SBF2: variants seen among roughly 807,000 people sequenced by gnomAD.
SBF2 encodes myotubularin-related protein 13.
A neutral mutation model predicts 225.2 loss-of-function variants in SBF2; 112 were observed. The observed-to-expected ratio is 0.50, with a 90% CI of 0.43 to 0.58. SBF2 has a LOEUF of 0.58. Among genes scored for constraint, SBF2 ranks in the 20% least tolerant of loss-of-function variants. SBF2 has a pLI of 0.00. For synonymous variants in SBF2, 763 were observed against 773.3 expected, an observed-to-expected ratio of 0.99 and a Z score of 0.22; for missense variants, 1,996 against 2,206.2, an observed-to-expected ratio of 0.90 and a Z score of 1.91.
chr11:10,028,938 G>A (rs1949150506), intron 5 of SBF2, among the ~76,000 whole-genome samples: 1 of 152,128 alleles, frequency 6.6e-6, no homozygotes. Context: ...GAAGAATGAA[G>A]GAGGAGAGAG....
At chr11:10,193,696 G>A (rs771244690) in intron 2 of SBF2, among the ~76,000 whole-genome samples, 1 of 152,098 alleles carries the variant, frequency 6.6e-6, no homozygotes, top group Non-Finnish European at 1.5e-5. Flanking sequence ...AGAAAAAGAA[G>A]AGCAAAATAG....
At chr11:10,063,294 C>A in intron 2 of SBF2, among the ~76,000 whole-genome samples, 1 of 150,892 alleles carries the variant, frequency 6.6e-6, no homozygotes. Flanking sequence ...TGTAACAAAC[C>A]TTCACATGTA....
chr11:10,234,529 A>G (rs1326290104), intron 1 of SBF2, among the ~76,000 whole-genome samples: 1 of 152,074 alleles, frequency 6.6e-6, no homozygotes, highest in Non-Finnish European at 1.5e-5. Context: ...AACCAAGTCT[A>G]TTTTTCCAAA....
chr11:10,163,943 T>C (rs1031531215), intron 2 of SBF2, among the ~76,000 whole-genome samples: 4 of 152,190 alleles, frequency 2.6e-5, no homozygotes, highest in African/African-American at 9.7e-5. Flanking sequence ...TTGTAAGTGT[T>C]ATACCTTAAG....
chr11:9,888,338 G>T (rs1035343279), intron 17 of SBF2, among the ~76,000 whole-genome samples: 1 of 151,704 alleles, frequency 6.6e-6, no homozygotes, highest in African/African-American at 2.4e-5. Context: ...CTCTACAAAA[G>T]AAAAAAATTT....
chr11:9,846,933 A>G, intron 23 of SBF2, 23 bp downstream of exon 23: 2 of 1,613,516 alleles, frequency 1.2e-6, no homozygotes, highest in Non-Finnish European at 1.7e-6. Context: ...GAATAGTAAA[A>G]CAATGGCTTC....
intron 13 of SBF2, among the ~76,000 whole-genome samples, chr11:9,984,649 C>T (rs914391489): frequency 2.0e-5 from 3 of 151,998 alleles, no homozygotes; most frequent in African/African-American, 7.2e-5. Flanking sequence ...AAAGTTAAGA[C>T]GAAGGAAAGA....
rs142409648 is a variant in SBF2 at position 10,008,196 on chromosome 11, G to A, written c.620-5507C>T. ...CTGGTAGAAGGGATAAAAGCTAGCA[G>A]AACAAAGGCTGTGAACTATAATACA... On this transcript the variant is annotated intron_variant, in intron 6 of 39. Transcript: ENST00000256190. Among the ~76,000 whole-genome samples the A allele has an allele frequency of 1.6e-4, 25 of 152,284 alleles. 1 individual carries two copies. Among genetic ancestry groups the A allele is most frequent in the African/African-American group, 5.5e-4 (23 of 41,548 alleles).
At chr11:9,880,834 G>A (rs1859702544) in intron 17 of SBF2, among the ~76,000 whole-genome samples, 1 of 152,186 alleles carries the variant, frequency 6.6e-6, no homozygotes, top group Non-Finnish European at 1.5e-5. Context: ...TATCCTAGAA[G>A]GGGGTGTCTA....
At chr11:10,292,104 CACATATT>C (rs1441566612) in intron 1 of SBF2, among the ~76,000 whole-genome samples, 1 of 152,224 alleles carries the variant, frequency 6.6e-6, no homozygotes, top group Non-Finnish European at 1.5e-5. Context: ...ATGAATGCAA[CACATATT>C]GCTAAACTGG....
At chr11:10,255,482 T>C (rs951553629) in intron 1 of SBF2, among the ~76,000 whole-genome samples, 2 of 152,174 alleles carry the variant, frequency 1.3e-5, no homozygotes, top group Non-Finnish European at 2.9e-5. Flanking sequence ...CAGAAACACA[T>C]GGTAGCAAAA....
intron 13 of SBF2, among the ~76,000 whole-genome samples, chr11:9,981,442 T>C (rs1275804551): frequency 6.6e-6 from 1 of 152,156 alleles, no homozygotes; most frequent in Non-Finnish European, 1.5e-5. Context: ...ATGTGCCCCT[T>C]AATCTAAAAT....
chr11:9,842,862 C>CT (rs2133962023), intron 24 of SBF2, 92 bp from the exon 25 acceptor site: 2 of 1,308,198 alleles, frequency 1.5e-6, no homozygotes, highest in East Asian at 4.7e-5. Context: ...GTTTCTTCTC[C>CT]TTTCCCACAG....
At chr11:10,167,213 G>A (rs1565307509) in intron 2 of SBF2, among the ~76,000 whole-genome samples, 1 of 151,934 alleles carries the variant, frequency 6.6e-6, no homozygotes, top group East Asian at 1.9e-4. Flanking sequence ...TTAATTTAAC[G>A]CAAGAAACTA....
At chr11:9,817,149 C>T (rs1248169964) in intron 28 of SBF2, 125 bp from the exon 29 acceptor site, 5 of 988,732 alleles carry the variant, frequency 5.1e-6, no homozygotes, top group South Asian at 1.3e-5. Flanking sequence ...ATCTAAAAAC[C>T]GTAAGTCATA....
chr11:9,882,712 C>T (rs1329535481), intron 17 of SBF2, among the ~76,000 whole-genome samples: 1 of 141,672 alleles, frequency 7.1e-6, no homozygotes, highest in East Asian at 2.1e-4. Flanking sequence ...GAGGCTGAGG[C>T]AGGAGAATCA....
intron 2 of SBF2, among the ~76,000 whole-genome samples, chr11:10,173,168 G>A (rs1032111945): frequency 7.9e-5 from 12 of 152,340 alleles, no homozygotes; most frequent in East Asian, 1.9e-4. Context: ...CAAGATGGCC[G>A]AATAGGAACA....
intron 2 of SBF2, among the ~76,000 whole-genome samples, chr11:10,113,484 A>G (rs1952978280): frequency 6.6e-6 from 1 of 152,178 alleles, no homozygotes; most frequent in Non-Finnish European, 1.5e-5. Context: ...ATTATCAAAG[A>G]CTTCTAAATA....
chr11:10,251,884 G>A (rs2135488291), intron 1 of SBF2, among the ~76,000 whole-genome samples: 1 of 152,274 alleles, frequency 6.6e-6, no homozygotes, highest in Admixed American at 6.5e-5. Context: ...TAAGGTCCTA[G>A]GTTTTGGTCA....
Sources: gnomAD v4.1 joint callset for allele counts (sites outside exome capture counted in the v4.1 genomes callset) on GRCh38, gnomAD v4.1.1 for gene constraint, MANE v1.5 for transcripts, NCBI Gene and HGNC (gene_info 2026-07-23, HGNC 2026-07-21) for gene names.